Variants in DPP6 observed in about 807,000 individuals in gnomAD.
The protein encoded by DPP6 is dipeptidyl peptidase like 6.
DPP6 carries 69 observed loss-of-function variants against 122.6 expected under a neutral mutation model. The ratio of observed to expected loss-of-function variants is 0.56; its 90% CI spans 0.46 to 0.69. The LOEUF (loss-of-function observed/expected upper bound fraction) is 0.69. Ranked by LOEUF, DPP6 falls within the 30% of genes least tolerant of loss-of-function variation. DPP6 has a pLI of 0.00. For synonymous variants in DPP6, 418 were observed against 433.1 expected (o/e 0.97, Z 0.43); for missense variants, 928 against 1,116.9 (o/e 0.83, Z 2.41).
chr7:154,889,555 T>A (rs1447455267), intron 25 of DPP6, 25 bp downstream of exon 25: 14 of 1,592,748 alleles, frequency 8.8e-6, no homozygotes, highest in Non-Finnish European at 1.2e-5. Context: ...TTACTCTGTT[T>A]TGAACCTGGA....
At chr7:154,558,109 C>G (rs1220026552) in intron 4 of DPP6, among the ~76,000 whole-genome samples, 3 of 151,952 alleles carry the variant, frequency 2.0e-5, no homozygotes, top group Non-Finnish European at 4.4e-5. Context: ...CCCCTCCACC[C>G]CCCCACAGGC....
intron 1 of DPP6, among the ~76,000 whole-genome samples, chr7:154,293,299 A>G (rs1214411596): frequency 6.6e-6 from 1 of 152,158 alleles, no homozygotes; most frequent in East Asian, 1.9e-4. Flanking sequence ...TTTAGTGGTC[A>G]TCTCTCCTCC....
intron 6 of DPP6, among the ~76,000 whole-genome samples, chr7:154,663,054 C>T (rs1472224233): frequency 5.6e-5 from 2 of 35,972 alleles, no homozygotes; most frequent in Admixed American, 3.7e-4. Context: ...AGTGTTCACG[C>T]AGTCATGGTG....
At chr7:154,626,083 G>A (rs1835051097) in intron 5 of DPP6, among the ~76,000 whole-genome samples, 1 of 152,154 alleles carries the variant, frequency 6.6e-6, no homozygotes. Context: ...AGCTTGGGAA[G>A]AAAGCAGGCA....
At chr7:153,945,110 C>G (rs947393575) in intron 1 of DPP6, among the ~76,000 whole-genome samples, 1 of 152,116 alleles carries the variant, frequency 6.6e-6, no homozygotes, top group Non-Finnish European at 1.5e-5. Flanking sequence ...CCCACCCTTG[C>G]GTACACTCAT....
intron 7 of DPP6, among the ~76,000 whole-genome samples, chr7:154,706,416 TG>T (rs1419335169): frequency 6.6e-6 from 1 of 152,162 alleles, no homozygotes; most frequent in African/African-American, 2.4e-5. Context: ...CAGGGTGCCC[TG>T]TTGGCACTTT....
At chr7:153,946,345 G>A (rs1465024155) in intron 1 of DPP6, among the ~76,000 whole-genome samples, 1 of 152,074 alleles carries the variant, frequency 6.6e-6, no homozygotes, top group Non-Finnish European at 1.5e-5. Flanking sequence ...GAGATTTCAC[G>A]GAACTGAGAG....
chr7:154,769,282 T>C, intron 8 of DPP6, 135 bp from the exon 9 acceptor site: 10 of 1,089,426 alleles, frequency 9.2e-6, no homozygotes, highest in Non-Finnish European at 1.3e-5. Context: ...CAGTGAAGGT[T>C]CCTCAAAGGT....
At chr7:154,334,547 T>C (rs1809231988) in intron 1 of DPP6, among the ~76,000 whole-genome samples, 2 of 152,138 alleles carry the variant, frequency 1.3e-5, no homozygotes, top group Non-Finnish European at 2.9e-5. Context: ...TAGTTGCTGC[T>C]CAATAAACCC....
chr7:154,577,223 G>T lies in DPP6; in HGVS notation c.627+10307G>T, dbSNP rs1434059158. 2.0e-5 allele frequency among the ~76,000 whole-genome samples: 3 copies of T among 152,216 alleles called. No homozygotes were observed. In the South Asian group the frequency reaches 6.2e-4, roughly 32 times the overall value. Reference sequence around the variant, plus strand: ...AGGAGGAGGAGGAAAGATTCGGGGAGGGTCGTGGGGAAGGACCCCCCTGTC... The same window carrying T: ...AGGAGGAGGAGGAAAGATTCGGGGATGGTCGTGGGGAAGGACCCCCCTGTC... On this transcript the variant is annotated intron_variant, in intron 5 of 25. Transcript: ENST00000377770.
intron 1 of DPP6, among the ~76,000 whole-genome samples, chr7:154,443,987 C>T (rs993653535): frequency 3.3e-5 from 5 of 152,066 alleles, no homozygotes; most frequent in East Asian, 1.9e-4. Flanking sequence ...CAATCCTACT[C>T]GAATTTTCAA....
At chr7:154,634,252 A>G (rs1835586973) in intron 5 of DPP6, among the ~76,000 whole-genome samples, 1 of 145,548 alleles carries the variant, frequency 6.9e-6, no homozygotes, top group African/African-American at 2.6e-5. Flanking sequence ...ATGAGTCAGA[A>G]CATGCGGTGT....
At chr7:154,879,675 C>G (rs1363532580) in intron 20 of DPP6, among the ~76,000 whole-genome samples, 4 of 152,024 alleles carry the variant, frequency 2.6e-5, no homozygotes, top group African/African-American at 9.7e-5. Context: ...TCGCTTGAAC[C>G]TGGGAGGCAG....
At chr7:154,512,844 G>T (rs1318165521) in intron 3 of DPP6, among the ~76,000 whole-genome samples, 1 of 152,106 alleles carries the variant, frequency 6.6e-6, no homozygotes. Flanking sequence ...AATAGTTCTA[G>T]ATTGAGAATT....
At chr7:153,782,893 G>A in the DPP6 span, among the ~76,000 whole-genome samples, 1 of 152,170 alleles carries the variant, frequency 6.6e-6, no homozygotes. Flanking sequence ...CTGGACAAGA[G>A]AGCTGAGACC....
intron 2 of DPP6, among the ~76,000 whole-genome samples, chr7:154,453,814 C>T (rs1464882237): frequency 2.0e-5 from 3 of 151,918 alleles, no homozygotes; most frequent in South Asian, 2.1e-4. Context: ...TACTTTTATG[C>T]CTGCTTTTGT....
intron 8 of DPP6, among the ~76,000 whole-genome samples, chr7:154,733,297 G>T (rs1269436528): frequency 6.6e-6 from 1 of 152,202 alleles, no homozygotes; most frequent in Non-Finnish European, 1.5e-5. Context: ...ATGTAGTCAG[G>T]CCCACTGTAC....
chr7:154,486,901 T>G lies in DPP6; in HGVS notation c.457+11864T>G, dbSNP rs560803475. On this transcript the variant is annotated intron_variant, in intron 3 of 25. Transcript: ENST00000377770. The surrounding 1 kb of genome is among the most constrained non-coding windows in gnomAD (Gnocchi z 4.5). The stretch of plus-strand genomic sequence containing the variant: ...TGATGCTGGGCCCCGCTGTTGATGC[T>G]GCTTAATTCATAATTTGGGGACTCA... Among the ~76,000 whole-genome samples the G allele has an allele frequency of 1.3e-5, 2 of 152,278 alleles. No individual in the cohort carries two copies. The highest frequency in any genetic ancestry group is 4.8e-5 in the African/African-American group (2 of 41,558).
intron 6 of DPP6, among the ~76,000 whole-genome samples, chr7:154,666,210 CAT>C (rs1196879201): frequency 2.7e-5 from 4 of 147,118 alleles, no homozygotes; most frequent in Admixed American, 6.7e-5. Flanking sequence ...TACACATATA[CAT>C]ACATACATAC....
Sources: gnomAD v4.1 joint callset for allele counts (sites outside exome capture counted in the v4.1 genomes callset) on GRCh38, gnomAD v4.1.1 for gene constraint, Gnocchi (gnomAD v3.1) non-coding constraint, MANE v1.5 for transcripts, NCBI Gene and HGNC (gene_info 2026-07-23, HGNC 2026-07-21) for gene names.